GANAB: variants seen among roughly 807,000 people sequenced by gnomAD.
The protein encoded by GANAB is glucosidase II alpha subunit.
Under a neutral mutation model 129.9 loss-of-function variants are expected in GANAB, and 35 were observed. That is an observed-to-expected ratio of 0.27 (90% CI 0.21 to 0.36). The LOEUF is 0.36. Among genes scored for constraint, GANAB ranks in the 10% least tolerant of loss-of-function variants. GANAB has a pLI of 1.00. For synonymous variants in GANAB, 482 were observed against 451.8 expected, an observed-to-expected ratio of 1.07 and a Z score of -0.85; for missense variants, 939 against 1,221.0, an observed-to-expected ratio of 0.77 and a Z score of 3.44.
At chr11:62,646,479 A>T in intron 1 of GANAB, 83 bp downstream of exon 1, 1 of 1,481,490 alleles carries the variant, frequency 6.7e-7, no homozygotes, top group East Asian at 2.3e-5. Context: ...GCAGAGTGTC[A>T]AGAGACACAC....
In GANAB at chr11:62,626,618, A is replaced by T. The variant is rs757226377; in HGVS notation, c.2464T>A (p.Cys822Ser). 5 of 1,612,524 alleles carry T rather than the reference A, an allele frequency of 3.1e-6. No homozygotes were observed. In the South Asian group the frequency reaches 4.4e-5, roughly 14 times the overall value. The change falls in exon 21 of 24, where the codon TGT becomes AGT. Residue 822 changes from cysteine (C) to serine (S), a missense_variant. By Grantham distance (112) the Cys-to-Ser change is moderately radical (BLOSUM62 -1). Coordinates refer to ENST00000356638, the MANE Select transcript of GANAB (RefSeq NM_198334.3). ...AGAGTGATGGGGTCATCCTTCATAC[A>T]TTCTGAAGACCGCCGCACTCGCATC... is the stretch of plus-strand genomic sequence containing the variant. ...RWMRVRRSSECMKDDPITLFV... is the reference protein window; with the variant it reads ...RWMRVRRSSESMKDDPITLFV...
At chr11:62,645,262 C>A (rs1284290855) in intron 1 of GANAB, among the ~76,000 whole-genome samples, 1 of 152,086 alleles carries the variant, frequency 6.6e-6, no homozygotes. Context: ...TGAGGCCGGG[C>A]GCGGTGGCTC....
At position 62,625,306 on chromosome 11, in the gene GANAB, G is replaced by A. The variant is rs111241392; in HGVS notation, c.*509C>T. The A allele has an allele frequency of 4.4e-6, 2 of 456,140 alleles. No individual in the cohort carries two copies. The highest frequency in any genetic ancestry group is 3.3e-4 in the Middle Eastern group (1 of 3,040). The allele number at this position is 456,140 out of a possible 1,614,324, so 28.3% of individuals were successfully genotyped here. A position where few individuals can be genotyped will look rare whatever the true frequency, so the allele number is the denominator to read the frequency against. ...TTCATCCTGTCCGGGGTAAGGGGTG[G>A]TCCCAGTGTATCGGTGGGGCATAAA... On this transcript the variant is annotated 3_prime_UTR_variant, in exon 24 of 24. Coordinates refer to ENST00000356638, the MANE Select transcript of GANAB (RefSeq NM_198334.3).
rs1292228011 is a variant in GANAB at position 62,625,988 on chromosome 11, C to G, written c.2726-64G>C. 11 of 1,469,526 alleles carry G rather than the reference C, an allele frequency of 7.5e-6. No homozygotes were observed. In the Admixed American group the frequency reaches 1.7e-4, roughly 22 times the overall value. The allele number at this position is 1,469,526 out of a possible 1,614,324, so 91.0% of individuals were successfully genotyped here. A position where few individuals can be genotyped will look rare whatever the true frequency, so the allele number is the denominator to read the frequency against. On this transcript the variant is annotated intron_variant, in intron 23 of 23. Coordinates refer to ENST00000356638, the MANE Select transcript of GANAB (RefSeq NM_198334.3). ...GGGCTATAGCATAACAACAACGTTCCTACAGGCAAGGGCATCCCTAAACCT... is the reference window on the plus strand; with the variant it reads ...GGGCTATAGCATAACAACAACGTTCGTACAGGCAAGGGCATCCCTAAACCT...
chr11:62,631,106 C>T lies in GANAB; in HGVS notation c.1074G>A (p.Glu358=), dbSNP rs141795038. ...GCAGGAAGACGTCAATGATGCCAGTCTCTGACATCCAGCGAACATCTGTCT... is the reference window on the plus strand; with the variant it reads ...GCAGGAAGACGTCAATGATGCCAGTTTCTGACATCCAGCGAACATCTGTCT... The part of the protein sequence containing the change: ...TPQTDVRWMS[E]TGIIDVFLLL... Residue 358 remains glutamate (E), a synonymous_variant, in exon 10 of 24, where the codon GAG becomes GAA. Transcript: ENST00000356638. 1.2e-5 allele frequency: 20 copies of T among 1,611,976 alleles called. No individual in the cohort carries two copies. The highest frequency in any genetic ancestry group is 1.7e-5 in the Non-Finnish European group (20 of 1,178,230).
intron 17 of GANAB, among the ~76,000 whole-genome samples, chr11:62,627,838 T>C (rs1943471284): frequency 6.6e-6 from 1 of 152,230 alleles, no homozygotes; most frequent in Non-Finnish European, 1.5e-5. Flanking sequence ...AATCCAGTCT[T>C]AGACATTTAA....
Position 62,633,502 on chromosome 11 carries a change from T to A in GANAB, c.573A>T (p.Lys191Asn), listed in dbSNP as rs569618237. The change falls in exon 6 of 24, where the codon AAA becomes AAT. Residue 191 changes from lysine (K) to asparagine (N), a missense_variant. Physicochemically the swap from Lys to Asn is moderately conservative, Grantham distance 94 (BLOSUM62 0). This residue lies in a region of GANAB where 321 missense variants were observed against 329.1 expected (regional missense o/e 0.98). Transcript: ENST00000356638. ...QRAPRVSQGS[K>N]DPAEGDGAQP... ...GGGCCCCATCGCCCTCAGCTGGGTC[T>A]TTTGATCCTTGCCTGGAAGGTAGGA... is the stretch of plus-strand genomic sequence containing the variant. The A allele has an allele frequency of 6.2e-7, 1 of 1,613,982 alleles. No individual in the cohort carries two copies. Among genetic ancestry groups the A allele is most frequent in the African/African-American group, 1.3e-5 (1 of 75,032 alleles).
rs1330217080 is a variant in GANAB, at chr11:62,626,584, G to A, written c.2498C>T (p.Ala833Val). 2 of 1,606,132 alleles carry A rather than the reference G, an allele frequency of 1.2e-6. No individual in the cohort carries two copies. Among genetic ancestry groups the A allele is most frequent in the Non-Finnish European group, 1.7e-6 (2 of 1,172,996 alleles). Residue 833 changes from alanine to valine, a missense_variant, in exon 21 of 24, where the codon GCA (alanine) becomes GTA (valine). By Grantham distance (64) the Ala-to-Val change is moderately conservative (BLOSUM62 0). Coordinates refer to ENST00000356638, the MANE Select transcript of GANAB (RefSeq NM_198334.3). The part of the protein sequence containing the change: ...MKDDPITLFV[A>V]LSPQGTAQGE... The stretch of plus-strand genomic sequence containing the variant: ...CTATGCACTTACCTGAGGGCTAAGT[G>A]CAACAAAGAGAGTGATGGGGTCATC...
intron 12 of GANAB, 45 bp from the exon 13 acceptor site, chr11:62,630,321 G>C (rs767923971): frequency 1.9e-6 from 3 of 1,613,090 alleles, no homozygotes; most frequent in Admixed American, 3.3e-5. Context: ...AGGGGCAAAA[G>C]AGCCACCATT....
intron 15 of GANAB, 112 bp downstream of exon 15, chr11:62,629,476 G>T: frequency 2.4e-6 from 2 of 830,978 alleles, no homozygotes. Context: ...TAGCTGAGAG[G>T]AAACAGATGC....
chr11:62,625,550 G>A lies in GANAB; in HGVS notation c.*265C>T. 3.9e-6 allele frequency: 2 copies of A among 509,576 alleles called. No individual in the cohort carries two copies. Among genetic ancestry groups the A allele is most frequent in the Non-Finnish European group, 3.6e-6 (1 of 279,766 alleles). The allele number at this position is 509,576 out of a possible 1,614,324, so 31.6% of individuals were successfully genotyped here. ...CCCTGTGGTTTCCTGGTGTTCGTAAGTGAATGTGCTCCAGTTAGAGCAACA... is the reference window on the plus strand; with the variant it reads ...CCCTGTGGTTTCCTGGTGTTCGTAAATGAATGTGCTCCAGTTAGAGCAACA... On this transcript the variant is annotated 3_prime_UTR_variant, in exon 24 of 24. Transcript: ENST00000356638.
At chr11:62,640,269 C>T (rs1944177980) in intron 1 of GANAB, among the ~76,000 whole-genome samples, 3 of 130,908 alleles carry the variant, frequency 2.3e-5, no homozygotes, top group Non-Finnish European at 4.7e-5. Flanking sequence ...CGCGGTGGCT[C>T]ACGCCTGTAA....
At chr11:62,640,663 C>T (rs989604750) in intron 1 of GANAB, among the ~76,000 whole-genome samples, 24 of 151,390 alleles carry the variant, frequency 1.6e-4, no homozygotes, top group African/African-American at 5.3e-4. Context: ...GAAACTCTGT[C>T]TCTATTAAAA....
At chr11:62,631,427 G>A (rs1191031520) in intron 9 of GANAB, among the ~76,000 whole-genome samples, 1 of 150,132 alleles carries the variant, frequency 6.7e-6, no homozygotes, top group Non-Finnish European at 1.5e-5. Context: ...TCTCTTTCAT[G>A]TCTTTGTTAG....
At chr11:62,627,428 G>C in intron 17 of GANAB, 75 bp from the exon 18 acceptor site, 1 of 828,152 alleles carries the variant, frequency 1.2e-6, no homozygotes, top group East Asian at 2.4e-5. Context: ...CCAGGAACTG[G>C]CAATAAGAAA....
Position 62,630,947 on chromosome 11 carries a change from A to C in GANAB, c.1150+83T>G, listed in dbSNP as rs952306143. 5 of 1,517,674 alleles carry C rather than the reference A, an allele frequency of 3.3e-6. No individual in the cohort carries two copies. The African/African-American group carries it at 5.5e-5, about 17-fold the overall frequency. 94.0% of individuals were successfully genotyped at this position (1,517,674 alleles called of 1,614,324 possible). A position where few individuals can be genotyped will look rare whatever the true frequency, so the allele number is the denominator to read the frequency against. ...CTGAGGGGTATAAACCTAGAAAACA[A>C]GCTGGGGCACAGGATCTCTGAAAAC... is the stretch of plus-strand genomic sequence containing the variant. On this transcript the variant is annotated intron_variant, in intron 10 of 23. Coordinates refer to ENST00000356638, the MANE Select transcript of GANAB (RefSeq NM_198334.3).
At chr11:62,637,853 A>G (rs1944016206) in intron 4 of GANAB, among the ~76,000 whole-genome samples, 1 of 151,592 alleles carries the variant, frequency 6.6e-6, no homozygotes, top group Admixed American at 6.6e-5. Context: ...GCTAACGCAG[A>G]TCACGCCACT....
chr11:62,634,983 C>T lies in GANAB; in HGVS notation c.398G>A (p.Arg133His), dbSNP rs765897602. 51 of 1,610,350 alleles carry T rather than the reference C, an allele frequency of 3.2e-5. No individual in the cohort carries two copies. The highest frequency in any genetic ancestry group is 1.5e-4 in the African/African-American group (11 of 74,796). The change falls in exon 5 of 24, where the codon CGT (arginine) becomes CAT (histidine). Residue 133 changes from arginine to histidine, a missense_variant. Coordinates refer to ENST00000356638, the MANE Select transcript of GANAB (RefSeq NM_198334.3). ...PPIARLSVSG[R>H]DENSVELTMA... The stretch of plus-strand genomic sequence containing the variant: ...GGTTAACTCCACACTGTTCTCATCA[C>T]GACCAGAGACAGAAAGCCTGGGAAA...
intron 17 of GANAB, among the ~76,000 whole-genome samples, chr11:62,628,424 G>C (rs1455679107): frequency 6.6e-6 from 1 of 151,858 alleles, no homozygotes. Context: ...TGTTGGCCAG[G>C]CTGGTCTCAA....
Sources: gnomAD v4.1 joint callset for allele counts (sites outside exome capture counted in the v4.1 genomes callset) on GRCh38, gnomAD v4.1.1 for gene constraint, gnomAD v4.1.1 regional missense constraint, MANE v1.5 for transcripts, NCBI Gene and HGNC (gene_info 2026-07-23, HGNC 2026-07-21) for gene names.